Variants in ERBB4 observed in about 807,000 individuals in gnomAD.
ERBB4 encodes the protein erb-b2 receptor tyrosine kinase 4.
Under a neutral mutation model 158.0 loss-of-function variants are expected in ERBB4, and 42 were observed. That is an observed-to-expected ratio of 0.27 (90% CI 0.21 to 0.34). The LOEUF is 0.34. ERBB4 is among the 10% of genes least tolerant of loss of function. The pLI is 1.00. For synonymous variants in ERBB4, 583 were observed against 558.7 expected (o/e 1.04, Z -0.61); for missense variants, 1,333 against 1,624.1 (o/e 0.82, Z 3.08).
chr2:212,050,495 C>T (rs2077371187), intron 2 of ERBB4, among the ~76,000 whole-genome samples: 1 of 152,170 alleles, frequency 6.6e-6, no homozygotes, highest in Non-Finnish European at 1.5e-5. Flanking sequence ...ATTTTCTCCT[C>T]TTCCTCTTAT....
intron 16 of ERBB4, among the ~76,000 whole-genome samples, chr2:211,654,752 CA>C (rs1297236501): frequency 2.0e-5 from 3 of 152,098 alleles, no homozygotes; most frequent in African/African-American, 7.2e-5. Context: ...ATCATGGAGC[CA>C]ATATTTGAAC....
intron 1 of ERBB4, among the ~76,000 whole-genome samples, chr2:212,178,316 G>C (rs2081743060): frequency 6.6e-6 from 1 of 151,534 alleles, no homozygotes; most frequent in African/African-American, 2.4e-5. Context: ...AAGCAATTAA[G>C]AGGACACTAA....
intron 1 of ERBB4, among the ~76,000 whole-genome samples, chr2:212,291,059 C>A (rs191298931): frequency 2.0e-5 from 3 of 152,148 alleles, no homozygotes; most frequent in Non-Finnish European, 2.9e-5. Flanking sequence ...TGGCCTCTAC[C>A]AACACACATT....
intron 1 of ERBB4, among the ~76,000 whole-genome samples, chr2:212,198,801 C>T (rs2082507472): frequency 7.6e-6 from 1 of 130,750 alleles, no homozygotes. Context: ...CCAGGCTGGT[C>T]TCAAACTCCT....
At chr2:212,529,541 A>G (rs778687378) in intron 1 of ERBB4, among the ~76,000 whole-genome samples, 1 of 152,198 alleles carries the variant, frequency 6.6e-6, no homozygotes, top group Non-Finnish European at 1.5e-5. Flanking sequence ...ATGTTATTCA[A>G]ACAGCTTACT....
chr2:212,398,321 G>A (rs1037260962), intron 1 of ERBB4, among the ~76,000 whole-genome samples: 6 of 151,862 alleles, frequency 4.0e-5, no homozygotes, highest in Non-Finnish European at 5.9e-5. Flanking sequence ...TTTAAAATCA[G>A]GAAAATGTAT....
chr2:212,029,837 C>T (rs1521541), intron 2 of ERBB4, among the ~76,000 whole-genome samples: 128,590 of 152,112 alleles, frequency 0.85, 55,855 homozygotes, highest in East Asian at 1. Flanking sequence ...ATCTATACCA[C>T]ATCTGAAATG....
At chr2:211,454,837 G>A (rs1047025394) in intron 20 of ERBB4, among the ~76,000 whole-genome samples, 3 of 152,150 alleles carry the variant, frequency 2.0e-5, no homozygotes, top group Non-Finnish European at 4.4e-5. Flanking sequence ...AAAGACTGTG[G>A]CCAACTCTCA....
chr2:212,221,700 T>C (rs1270644133), intron 1 of ERBB4, among the ~76,000 whole-genome samples: 1 of 151,466 alleles, frequency 6.6e-6, no homozygotes, highest in Admixed American at 6.6e-5. Flanking sequence ...GAAAATCTTA[T>C]CCTAAATTTT....
intron 20 of ERBB4, among the ~76,000 whole-genome samples, chr2:211,534,337 C>T (rs2066586316): frequency 6.6e-6 from 1 of 151,980 alleles, no homozygotes; most frequent in Non-Finnish European, 1.5e-5. Context: ...ATGGTCAACT[C>T]GGGAGAAAAC....
intron 1 of ERBB4, among the ~76,000 whole-genome samples, chr2:212,266,780 A>G (rs1473411209): frequency 6.6e-6 from 1 of 151,984 alleles, no homozygotes; most frequent in Non-Finnish European, 1.5e-5. Context: ...AATTAGAATG[A>G]CTGCTAAATT....
chr2:212,051,723 T>C (rs900763435), intron 2 of ERBB4, among the ~76,000 whole-genome samples: 1 of 152,200 alleles, frequency 6.6e-6, no homozygotes, highest in Non-Finnish European at 1.5e-5. Context: ...GCTTCCCCCA[T>C]AGATTTTGAT....
chr2:211,584,954 T>C (rs1250907964), intron 19 of ERBB4, among the ~76,000 whole-genome samples: 3 of 152,060 alleles, frequency 2.0e-5, no homozygotes, highest in Non-Finnish European at 4.4e-5. Flanking sequence ...AAAAAAAAAT[T>C]ACCACTATAT....
chr2:212,178,184 G>A (rs962736849), intron 1 of ERBB4, among the ~76,000 whole-genome samples: 6 of 151,772 alleles, frequency 4.0e-5, no homozygotes, highest in Non-Finnish European at 8.8e-5. Flanking sequence ...TAAAAACAAT[G>A]ATAAGTCACT....
chr2:212,058,484 C>T (rs994128149), intron 2 of ERBB4, among the ~76,000 whole-genome samples: 1 of 151,848 alleles, frequency 6.6e-6, no homozygotes, highest in Non-Finnish European at 1.5e-5. Context: ...AGAGAAACAA[C>T]AAAAAAAGAG....
intron 3 of ERBB4, among the ~76,000 whole-genome samples, chr2:211,856,639 G>A (rs967787755): frequency 1.3e-5 from 2 of 151,854 alleles, no homozygotes; most frequent in Non-Finnish European, 2.9e-5. Flanking sequence ...CGCCCGCCTC[G>A]GCCTTCCAAA....
At chr2:211,979,873 A>T (rs2081739785) in intron 2 of ERBB4, among the ~76,000 whole-genome samples, 2 of 152,140 alleles carry the variant, frequency 1.3e-5, no homozygotes, top group Non-Finnish European at 2.9e-5. Context: ...TGATTTATAC[A>T]TCTATGCCCA....
chr2:212,093,082 CCT>C (rs1302961178), intron 2 of ERBB4, among the ~76,000 whole-genome samples: 2 of 152,186 alleles, frequency 1.3e-5, no homozygotes, highest in African/African-American at 2.4e-5. Flanking sequence ...TGGCCTTTTT[CCT>C]CTCTTTTACA....
chr2:211,580,907 A>ATACAC lies in ERBB4; in HGVS notation c.2302-18820_2302-18819insGTGTA, dbSNP rs1553576307. Among the ~76,000 whole-genome samples, 128 of 91,794 alleles carry ATACAC rather than the reference A, an allele frequency of 1.4e-3. 21 individuals carry two copies. Among genetic ancestry groups the ATACAC allele is most frequent in the African/African-American group, 3.2e-3 (78 of 24,392 alleles). The allele number at this position is 91,794 out of a possible 152,430, so 60.2% of individuals were successfully genotyped here. On this transcript the variant is annotated intron_variant, in intron 19 of 27. Transcript: ENST00000342788. Reference sequence around the variant, plus strand: ...TATATATATATATATATATATATATATATATATATGATGGAATACTACTTA... The same window carrying ATACAC: ...TATATATATATATATATATATATATATACACTATATATATGATGGAATACTACTTA...
Sources: allele counts gnomAD v4.1 joint callset (sites outside exome capture counted in the v4.1 genomes callset), GRCh38; gene constraint gnomAD v4.1.1; transcripts MANE v1.5; gene names NCBI Gene and HGNC (gene_info 2026-07-23, HGNC 2026-07-21).